The following SYNPR variants were observed in gnomAD, a reference collection of about 807,000 sequenced individuals.
The protein encoded by SYNPR is synaptoporin.
Under a neutral mutation model 32.9 loss-of-function variants are expected in SYNPR, and 23 were observed. The observed-to-expected ratio is 0.70, with a 90% confidence interval of 0.50 to 0.99. The LOEUF is 0.99. Among genes scored for constraint, SYNPR ranks in the 50% least tolerant of loss-of-function variants. The pLI is 0.00. For missense variants in SYNPR, 318 were observed against 349.3 expected (o/e 0.91, Z 0.71); for synonymous variants, 146 against 135.9 (o/e 1.07, Z -0.52).
chr3:63,545,172 A>C (rs2106811060), intron 3 of SYNPR, among the ~76,000 whole-genome samples: 1 of 152,188 alleles, frequency 6.6e-6, no homozygotes, highest in South Asian at 2.1e-4. Flanking sequence ...GTGTGAGACT[A>C]GATGAGGTAA....
chr3:63,487,452 C>T (rs536434073), intron 3 of SYNPR, among the ~76,000 whole-genome samples: 39 of 152,264 alleles, frequency 2.6e-4, no homozygotes, highest in Non-Finnish European at 5.3e-4. Context: ...CTTTTGGCTA[C>T]TATTTTTATT....
intron 3 of SYNPR, among the ~76,000 whole-genome samples, chr3:63,489,600 T>C (rs1701219181): frequency 1.3e-5 from 2 of 152,316 alleles, no homozygotes; most frequent in African/African-American, 4.8e-5. Flanking sequence ...CTCTGAATTA[T>C]ATAGGCACTT....
intron 2 of SYNPR, among the ~76,000 whole-genome samples, chr3:63,338,219 C>T (rs1384786970): frequency 6.6e-6 from 1 of 152,186 alleles, no homozygotes; most frequent in Non-Finnish European, 1.5e-5. Flanking sequence ...ATCTAGCCTC[C>T]AATAAATTCT....
chr3:63,339,819 G>A (rs970051317), intron 2 of SYNPR, among the ~76,000 whole-genome samples: 2 of 152,100 alleles, frequency 1.3e-5, no homozygotes, highest in Non-Finnish European at 2.9e-5. Context: ...ACCATGTCCA[G>A]CTAATTTTTG....
intron 2 of SYNPR, among the ~76,000 whole-genome samples, chr3:63,253,702 C>T (rs2086357191): frequency 6.6e-6 from 1 of 152,250 alleles, no homozygotes; most frequent in African/African-American, 2.4e-5. Context: ...AATAAGAACA[C>T]TTTTACACTG....
intron 2 of SYNPR, among the ~76,000 whole-genome samples, chr3:63,439,982 A>G (rs1053596252): frequency 6.6e-6 from 1 of 152,196 alleles, no homozygotes; most frequent in Non-Finnish European, 1.5e-5. Flanking sequence ...CAAAACAAAC[A>G]AGTTTCCTGC....
intron 4 of SYNPR, among the ~76,000 whole-genome samples, chr3:63,605,283 G>A (rs1700101313): frequency 6.6e-6 from 1 of 152,188 alleles, no homozygotes; most frequent in Non-Finnish European, 1.5e-5. Context: ...AGGTCATATG[G>A]CTATAAAGGA....
chr3:63,408,637 A>C (rs1240446446), intron 2 of SYNPR, among the ~76,000 whole-genome samples: 2 of 152,170 alleles, frequency 1.3e-5, no homozygotes, highest in Non-Finnish European at 2.9e-5. Context: ...ACCCAAGGAC[A>C]AGAGAAGAAG....
intron 3 of SYNPR, among the ~76,000 whole-genome samples, chr3:63,485,039 T>C (rs528321368): frequency 5.9e-5 from 9 of 152,280 alleles, no homozygotes; most frequent in African/African-American, 2.2e-4. Context: ...TTTGAGATGC[T>C]TGTTAGAAGC....
intron 1 of SYNPR, among the ~76,000 whole-genome samples, chr3:63,230,437 T>G (rs2086157896): frequency 6.6e-6 from 1 of 152,146 alleles, no homozygotes; most frequent in African/African-American, 2.4e-5. Context: ...CTAGCTAAGG[T>G]GTGGCTAATA....
At chr3:63,508,716 C>A in intron 3 of SYNPR, among the ~76,000 whole-genome samples, 1 of 152,050 alleles carries the variant, frequency 6.6e-6, no homozygotes, top group Non-Finnish European at 1.5e-5. Flanking sequence ...TGGAACATAA[C>A]CATTCTGATT....
At chr3:63,299,871 G>T (rs2086825776) in intron 2 of SYNPR, among the ~76,000 whole-genome samples, 1 of 152,092 alleles carries the variant, frequency 6.6e-6, no homozygotes. Context: ...CACAAATGGG[G>T]TATCTCTATA....
At chr3:63,228,754 C>A (rs968762935) in intron 1 of SYNPR, among the ~76,000 whole-genome samples, 1 of 151,946 alleles carries the variant, frequency 6.6e-6, no homozygotes, top group Admixed American at 6.6e-5. Context: ...GTGTTTTACT[C>A]TGTGTCAACA....
chr3:63,461,273 A>G (rs1700580881), intron 2 of SYNPR, among the ~76,000 whole-genome samples: 1 of 152,144 alleles, frequency 6.6e-6, no homozygotes, highest in East Asian at 1.9e-4. Context: ...AAATGAGAAC[A>G]TTATAATAAT....
intron 2 of SYNPR, among the ~76,000 whole-genome samples, chr3:63,266,894 T>C (rs1003053636): frequency 1.3e-5 from 2 of 152,114 alleles, no homozygotes; most frequent in African/African-American, 4.8e-5. Context: ...TATTTTCATT[T>C]TGTAAGTCCA....
chr3:63,232,620 T>G (rs1212479016), intron 1 of SYNPR, among the ~76,000 whole-genome samples: 1 of 152,192 alleles, frequency 6.6e-6, no homozygotes, highest in African/African-American at 2.4e-5. Context: ...GAAATACTAT[T>G]GAATTGATAG....
Position 63,591,805 on chromosome 3 carries a change from G to C in SYNPR, c.409-17320G>C, listed in dbSNP as rs1158690837. Among the ~76,000 whole-genome samples, 61 of 115,304 alleles carry C rather than the reference G, an allele frequency of 5.3e-4. No individual in the cohort carries two copies. The Middle Eastern group carries it at 0.015, about 29-fold the overall frequency. The allele number at this position is 115,304 out of a possible 152,430, so 75.6% of individuals were successfully genotyped here. ...GGAATATCACACTCTGGGGACTGTG[G>C]TGGGGTGGGGGGAGGGGGGGAGGGA... On this transcript the variant is annotated intron_variant, in intron 4 of 5. Transcript: ENST00000478300.
intron 3 of SYNPR, among the ~76,000 whole-genome samples, chr3:63,509,294 A>G (rs1701648895): frequency 6.6e-6 from 1 of 150,388 alleles, no homozygotes; most frequent in Non-Finnish European, 1.5e-5. Flanking sequence ...GTGTGTATAT[A>G]TATATACACA....
intron 4 of SYNPR, chr3:63,561,481 T>C (rs1335428284): frequency 6.6e-6 from 1 of 152,204 alleles, no homozygotes; most frequent in Non-Finnish European, 1.5e-5. Flanking sequence ...TGATAGCCAA[T>C]GTGCTACAGA....
Sources: allele counts gnomAD v4.1 joint callset (sites outside exome capture counted in the v4.1 genomes callset), GRCh38; gene constraint gnomAD v4.1.1; transcripts MANE v1.5; gene names NCBI Gene and HGNC (gene_info 2026-07-23, HGNC 2026-07-21).